Variants in BBS7 observed in about 807,000 individuals in gnomAD.
The protein encoded by BBS7 is Bardet-Biedl syndrome 7.
BBS7 carries 50 observed loss-of-function variants against 90.3 expected under a neutral mutation model. That is an observed-to-expected ratio of 0.55 (90% CI 0.44 to 0.70). BBS7 has a LOEUF of 0.70. BBS7 is among the 30% of genes least tolerant of loss of function. The probability of loss-of-function intolerance (pLI) is 0.00; values close to 1 mark genes in which losing one functional copy is unlikely to be tolerated. For missense variants in BBS7, 729 were observed against 838.9 expected (o/e 0.87, Z 1.62); for synonymous variants, 235 against 287.4 (o/e 0.82, Z 1.85).
chr4:121,837,344 T>C (rs1335256710), intron 13 of BBS7, among the ~76,000 whole-genome samples: 10 of 152,192 alleles, frequency 6.6e-5, no homozygotes, highest in African/African-American at 2.4e-4. Flanking sequence ...CAGTAGGCTG[T>C]TTATATGTTA....
At chr4:121,840,026 A>C (rs1415114183) in intron 12 of BBS7, among the ~76,000 whole-genome samples, 1 of 152,228 alleles carries the variant, frequency 6.6e-6, no homozygotes, top group Non-Finnish European at 1.5e-5. Flanking sequence ...TTCTTCTAAA[A>C]ATCTGACAAT....
intron 10 of BBS7, among the ~76,000 whole-genome samples, chr4:121,846,804 C>A (rs73847203): frequency 0.13 from 19,538 of 152,108 alleles, 3,433 homozygotes; most frequent in African/African-American, 0.4. Flanking sequence ...CTTCACTCCA[C>A]AAAAGGTCAG....
rs141724512 is a variant in BBS7 at position 121,840,982 on chromosome 4, T to G, written c.1306-1286A>C. Among the ~76,000 whole-genome samples the G allele has an allele frequency of 1.7e-3, 262 of 151,948 alleles. 1 individual carries two copies. The highest frequency in any genetic ancestry group is 6.8e-3 in the Middle Eastern group (2 of 294). ...CCTCCCAAATAGCTGGGACTACAGG[T>G]GCATGCCACCACACCCAGCTACTTG... On this transcript the variant is annotated intron_variant, in intron 12 of 18. Transcript: ENST00000264499.
intron 5 of BBS7, among the ~76,000 whole-genome samples, chr4:121,855,870 GTATATGTACA>G (rs1214511201): frequency 1.8e-3 from 265 of 143,738 alleles, no homozygotes; most frequent in African/African-American, 6.1e-3. Flanking sequence ...GTGTATATAT[GTATATGTACA>G]TATATGTACA....
chr4:121,855,590 C>T, intron 5 of BBS7, 29 bp from the exon 6 acceptor site: 1 of 1,583,094 alleles, frequency 6.3e-7, no homozygotes. Context: ...AAAACTGAAA[C>T]AGAATACAAA....
chr4:121,853,086 C>A lies in BBS7; in HGVS notation c.719G>T (p.Gly240Val), dbSNP rs761403504. The change falls in exon 8 of 19, where the codon GGT becomes GTT. Residue 240 changes from glycine (G) to valine (V), a missense_variant and splice_region_variant. Coordinates refer to ENST00000264499, the MANE Select transcript of BBS7 (RefSeq NM_176824.3). ...GTCAAAGCTGTCAATACACAAAATA[C>A]CTTTAAAAAGAGATATGTGATAAGT... ...WEIQNEKKRG[G>V]ILCIDSFDIV... The A allele has an allele frequency of 1.9e-6, 3 of 1,612,690 alleles. No homozygotes were observed. In the South Asian group the frequency reaches 3.3e-5, roughly 18 times the overall value.
At chr4:121,852,518 G>A (rs1037095668) in intron 8 of BBS7, among the ~76,000 whole-genome samples, 3 of 152,022 alleles carry the variant, frequency 2.0e-5, no homozygotes, top group Non-Finnish European at 2.9e-5. Context: ...CAGCCCTTGA[G>A]TGGGTAGGAG....
intron 2 of BBS7, among the ~76,000 whole-genome samples, chr4:121,864,000 T>A (rs575684018): frequency 6.6e-6 from 1 of 152,328 alleles, no homozygotes; most frequent in African/African-American, 2.4e-5. Context: ...ATTTACAGAC[T>A]GAGCTCCGCC....
chr4:121,858,208 C>A (rs558831216), intron 5 of BBS7, among the ~76,000 whole-genome samples: 28 of 152,306 alleles, frequency 1.8e-4, no homozygotes, highest in Non-Finnish European at 3.4e-4. Flanking sequence ...AAATGGCCAT[C>A]TGACTATGGA....
intron 3 of BBS7, among the ~76,000 whole-genome samples, chr4:121,862,518 A>G (rs1727037123): frequency 6.6e-6 from 1 of 152,222 alleles, no homozygotes; most frequent in Non-Finnish European, 1.5e-5. Context: ...GTTTCTAATT[A>G]TGATCTGTAA....
At chr4:121,842,124 T>C (rs1725768593) in intron 12 of BBS7, among the ~76,000 whole-genome samples, 1 of 151,452 alleles carries the variant, frequency 6.6e-6, no homozygotes, top group South Asian at 2.1e-4. Flanking sequence ...TGGTGGCGTG[T>C]GCGTGTAGTC....
chr4:121,825,317 C>G lies in BBS7; in HGVS notation c.*543G>C, dbSNP rs924088840. 6.6e-5 allele frequency: 10 copies of G among 152,350 alleles called. No individual in the cohort carries two copies. The highest frequency in any genetic ancestry group is 2.4e-4 in the African/African-American group (10 of 41,434). 9.4% of individuals were successfully genotyped at this position (152,350 alleles called of 1,614,324 possible). A position where few individuals can be genotyped will look rare whatever the true frequency, so the allele number is the denominator to read the frequency against. On this transcript the variant is annotated 3_prime_UTR_variant, in exon 19 of 19. Transcript: ENST00000264499. ...GTTATTTCCACTAGCTGGCAACATA[C>G]ATAGTAACCAGGACACAAAGCAAGT...
intron 10 of BBS7, among the ~76,000 whole-genome samples, chr4:121,845,982 G>T (rs1318123942): frequency 6.6e-6 from 1 of 152,058 alleles, no homozygotes; most frequent in Non-Finnish European, 1.5e-5. Flanking sequence ...CTTAACACAG[G>T]AATCTTGTTA....
intron 8 of BBS7, among the ~76,000 whole-genome samples, chr4:121,850,174 G>T (rs7696777): frequency 0.79 from 118,963 of 150,712 alleles, 47,264 homozygotes; most frequent in African/African-American, 0.89. Context: ...TTTTTGTTTG[G>T]TTTTTTTTTT....
chr4:121,827,826 A>C, intron 18 of BBS7: 2 of 984,276 alleles, frequency 2.0e-6, no homozygotes, highest in Non-Finnish European at 2.5e-6. Flanking sequence ...TGTGTGAAAT[A>C]CAGTCTAAGC....
At chr4:121,865,876 T>A (rs972823260) in intron 2 of BBS7, among the ~76,000 whole-genome samples, 2 of 152,198 alleles carry the variant, frequency 1.3e-5, no homozygotes, top group African/African-American at 2.4e-5. Flanking sequence ...TTGTTGTTTT[T>A]TGGTTTTTTG....
Position 121,859,255 on chromosome 4 carries a change from G to A in BBS7, c.342-77C>T, listed in dbSNP as rs150753830. On this transcript the variant is annotated intron_variant, in intron 4 of 18. Transcript: ENST00000264499. ...TTTTCAGAGATAAAAACAGAAAAAT[G>A]TATACAGTTTACTAACATTTTATTA... 330 of 1,250,554 alleles carry A rather than the reference G, an allele frequency of 2.6e-4. 4 individuals are homozygous for A. The Middle Eastern group carries it at 4.1e-3, about 16-fold the overall frequency. 77.5% of individuals were successfully genotyped at this position (1,250,554 alleles called of 1,614,324 possible). A position where few individuals can be genotyped will look rare whatever the true frequency, so the allele number is the denominator to read the frequency against.
intron 16 of BBS7, 37 bp downstream of exon 16, chr4:121,828,582 T>C (rs1287832210): frequency 6.4e-7 from 1 of 1,557,922 alleles, no homozygotes; most frequent in Non-Finnish European, 8.9e-7. Context: ...CAACACAAAA[T>C]AAACATCAGA....
In BBS7 at chr4:121,870,268, T is replaced by C; in HGVS notation, c.36+10A>G. On this transcript the variant is annotated intron_variant, in intron 1 of 18. Transcript: ENST00000264499. ...CCCAGCGCGGCGCCCGCCCTATCCC[T>C]TGGGTTTACCTGCAGATAATCCATT... 6.2e-7 allele frequency: 1 copy of C among 1,614,108 alleles called. No individual in the cohort carries two copies. Among genetic ancestry groups the C allele is most frequent in the South Asian group, 1.1e-5 (1 of 91,084 alleles).
Sources: gnomAD v4.1 joint callset for allele counts (sites outside exome capture counted in the v4.1 genomes callset) on GRCh38, gnomAD v4.1.1 for gene constraint, MANE v1.5 for transcripts, NCBI Gene and HGNC (gene_info 2026-07-23, HGNC 2026-07-21) for gene names.